Variants in KCNMB4 observed in about 807,000 individuals in gnomAD.
KCNMB4 encodes the protein calcium-activated potassium channel subunit beta-4.
Under a neutral mutation model 20.7 loss-of-function variants are expected in KCNMB4, and 3 were observed. The ratio of observed to expected loss-of-function variants is 0.14; its 90% confidence interval spans 0.07 to 0.37. The LOEUF (loss-of-function observed/expected upper bound fraction) is 0.37, where lower values mean the gene tolerates loss of function less well. Ranked by LOEUF, KCNMB4 falls within the 10% of genes least tolerant of loss-of-function variation. The pLI is 1.00. For missense variants in KCNMB4, 168 were observed against 265.9 expected (o/e 0.63, Z 2.56); for synonymous variants, 110 against 113.4 (o/e 0.97, Z 0.19).
At chr12:70,368,925 A>T (rs1242108723) in intron 1 of KCNMB4, among the ~76,000 whole-genome samples, 1 of 152,170 alleles carries the variant, frequency 6.6e-6, no homozygotes, top group Non-Finnish European at 1.5e-5. Flanking sequence ...AATTACCTAG[A>T]AGCAATCCCA....
At chr12:70,387,661 T>C (rs1868268688) in intron 1 of KCNMB4, among the ~76,000 whole-genome samples, 1 of 151,892 alleles carries the variant, frequency 6.6e-6, no homozygotes, top group African/African-American at 2.4e-5. Context: ...CCTGGAGTGT[T>C]GTTTTTTTTT....
chr12:70,414,901 C>T (rs150716251), intron 2 of KCNMB4, among the ~76,000 whole-genome samples: 4 of 152,166 alleles, frequency 2.6e-5, no homozygotes, highest in African/African-American at 9.6e-5. Context: ...GATTATGGTA[C>T]CCATCATATT....
chr12:70,367,198 C>T, intron 1 of KCNMB4, 128 bp downstream of exon 1: 1 of 682,090 alleles, frequency 1.5e-6, no homozygotes, highest in Non-Finnish European at 2.3e-6. Flanking sequence ...GTGGCGCAGG[C>T]TGTGCTCAAA....
chr12:70,406,538 G>T (rs564522702), intron 2 of KCNMB4, among the ~76,000 whole-genome samples: 7 of 152,294 alleles, frequency 4.6e-5, no homozygotes, highest in Non-Finnish European at 7.4e-5. Context: ...TTTTCTGTGA[G>T]GTGGGACTCT....
Position 70,424,639 on chromosome 12 carries a change from A to C in KCNMB4, c.465-5846A>C, listed in dbSNP as rs191368706. On this transcript the variant is annotated intron_variant, in intron 2 of 2. Coordinates refer to ENST00000258111, the MANE Select transcript of KCNMB4 (RefSeq NM_014505.6). The stretch of plus-strand genomic sequence containing the variant: ...GTGGCACACGCCTGTAATCCCAGCT[A>C]CTCAGGAGGCTGAGGCAGGAGAATC... 7.4e-3 allele frequency among the ~76,000 whole-genome samples: 1,114 copies of C among 150,278 alleles called. 10 individuals are homozygous for C. The highest frequency in any genetic ancestry group is 0.026 in the African/African-American group (1,076 of 40,766).
chr12:70,376,493 A>C (rs1883688848), intron 1 of KCNMB4, among the ~76,000 whole-genome samples: 1 of 152,132 alleles, frequency 6.6e-6, no homozygotes. Flanking sequence ...AATTCAGCAA[A>C]GTTGCAGGAT....
chr12:70,418,731 G>T (rs1245993042), intron 2 of KCNMB4, among the ~76,000 whole-genome samples: 1 of 152,074 alleles, frequency 6.6e-6, no homozygotes, highest in African/African-American at 2.4e-5. Context: ...ACCCAGGATT[G>T]TTGAGATGGT....
chr12:70,416,054 TTA>T (rs1465749962), intron 2 of KCNMB4, among the ~76,000 whole-genome samples: 1 of 152,220 alleles, frequency 6.6e-6, no homozygotes, highest in Non-Finnish European at 1.5e-5. Flanking sequence ...TAGATTAAGA[TTA>T]TTTTTGACCA....
chr12:70,400,499 A>G (rs1048300216), intron 2 of KCNMB4, among the ~76,000 whole-genome samples, 163 bp downstream of exon 2: 2 of 152,238 alleles, frequency 1.3e-5, no homozygotes, highest in African/African-American at 4.8e-5. Context: ...AGGACAGAGA[A>G]AAAGACTTGT....
chr12:70,391,781 G>A (rs1358665244), intron 1 of KCNMB4, among the ~76,000 whole-genome samples: 1 of 152,188 alleles, frequency 6.6e-6, no homozygotes, highest in Non-Finnish European at 1.5e-5. Flanking sequence ...ATGCAAGCAG[G>A]TGCTTTATCA....
At position 70,432,462 on chromosome 12, in the gene KCNMB4, A is replaced by G. The variant is rs780466330; in HGVS notation, c.*1809A>G. On this transcript the variant is annotated 3_prime_UTR_variant, in exon 3 of 3. Transcript: ENST00000258111. ...TTGCCCAGGATGGAGTGCAGTAGCT[A>G]TTCACAGGTATGATCATAGCACACT... is the stretch of plus-strand genomic sequence containing the variant. The G allele has an allele frequency of 2.6e-5, 4 of 152,102 alleles. No individual in the cohort carries two copies. Among genetic ancestry groups the G allele is most frequent in the African/African-American group, 9.7e-5 (4 of 41,388 alleles). 9.4% of individuals were successfully genotyped at this position (152,102 alleles called of 1,614,324 possible).
chr12:70,390,949 A>G (rs1208426195), intron 1 of KCNMB4, among the ~76,000 whole-genome samples: 1 of 152,150 alleles, frequency 6.6e-6, no homozygotes, highest in Non-Finnish European at 1.5e-5. Flanking sequence ...TTTCTGCTCT[A>G]TACTACTCTG....
intron 2 of KCNMB4, among the ~76,000 whole-genome samples, chr12:70,414,022 A>T (rs1371603978): frequency 6.6e-6 from 1 of 152,040 alleles, no homozygotes; most frequent in African/African-American, 2.4e-5. Flanking sequence ...TCATGAGGTC[A>T]AGAGTTCGAG....
rs968108729 is a variant in KCNMB4, at chr12:70,431,709, T to C, written c.*1056T>C. On this transcript the variant is annotated 3_prime_UTR_variant, in exon 3 of 3. Coordinates refer to ENST00000258111, the MANE Select transcript of KCNMB4 (RefSeq NM_014505.6). ...TTCTGTGCCTTTATCAAAAGTTGATTGAGAAGACCATATTTCTTTGTATCT... is the reference window on the plus strand; with the variant it reads ...TTCTGTGCCTTTATCAAAAGTTGATCGAGAAGACCATATTTCTTTGTATCT... The C allele has an allele frequency of 6.6e-6, 1 of 152,210 alleles. No individual in the cohort carries two copies. The highest frequency in any genetic ancestry group is 1.5e-5 in the Non-Finnish European group (1 of 68,032). The allele number at this position is 152,210 out of a possible 1,614,324, so 9.4% of individuals were successfully genotyped here.
rs1869347718 is a variant in KCNMB4 at position 70,430,912 on chromosome 12, G to A, written c.*259G>A. ...GTAACTATTTCAGAAAACCCTATAA[G>A]AAGTTCATTTTCTTTCAAAAGTAAC... is the stretch of plus-strand genomic sequence containing the variant. On this transcript the variant is annotated 3_prime_UTR_variant, in exon 3 of 3. Transcript: ENST00000258111. The A allele has an allele frequency of 2.9e-6, 1 of 349,302 alleles. No homozygotes were observed. The highest frequency in any genetic ancestry group is 5.1e-6 in the Non-Finnish European group (1 of 196,012). 21.6% of individuals were successfully genotyped at this position (349,302 alleles called of 1,614,324 possible).
intron 2 of KCNMB4, among the ~76,000 whole-genome samples, chr12:70,407,660 G>A (rs1440976439): frequency 2.6e-5 from 4 of 151,488 alleles, no homozygotes; most frequent in Non-Finnish European, 4.4e-5. Flanking sequence ...GTAGAGACGG[G>A]GTTTCACCGT....
At chr12:70,411,146 A>G (rs924501699) in intron 2 of KCNMB4, among the ~76,000 whole-genome samples, 6 of 152,362 alleles carry the variant, frequency 3.9e-5, no homozygotes, top group South Asian at 4.1e-4. Flanking sequence ...AAACTCTCAA[A>G]TTCTATGGTT....
At chr12:70,375,200 C>T (rs1386195679) in intron 1 of KCNMB4, among the ~76,000 whole-genome samples, 9 of 152,146 alleles carry the variant, frequency 5.9e-5, no homozygotes, top group Non-Finnish European at 8.8e-5. Flanking sequence ...CTGCCACTCT[C>T]TTGTTTAGTG....
chr12:70,408,287 T>C (rs1014752025), intron 2 of KCNMB4, among the ~76,000 whole-genome samples: 33 of 152,314 alleles, frequency 2.2e-4, no homozygotes, highest in African/African-American at 7.9e-4. Context: ...TGGTGCCATC[T>C]ACTCTTAGTA....
Sources: gnomAD v4.1 joint callset for allele counts (sites outside exome capture counted in the v4.1 genomes callset) on GRCh38, gnomAD v4.1.1 for gene constraint, MANE v1.5 for transcripts, NCBI Gene and HGNC (gene_info 2026-07-23, HGNC 2026-07-21) for gene names.